VTI1A: variants seen among roughly 807,000 people sequenced by gnomAD.
VTI1A encodes the protein vesicle transport through interaction with t-SNAREs homolog 1A.
VTI1A carries 22 observed loss-of-function variants against 34.9 expected under a neutral mutation model. The observed-to-expected ratio is 0.63, with a 90% confidence interval of 0.45 to 0.90. The LOEUF (loss-of-function observed/expected upper bound fraction) is 0.90. VTI1A is among the 40% of genes least tolerant of loss of function. VTI1A has a pLI of 0.00. For missense variants in VTI1A, 268 were observed against 275.6 expected, an observed-to-expected ratio of 0.97 and a Z score of 0.20; for synonymous variants, 87 against 97.3, an observed-to-expected ratio of 0.89 and a Z score of 0.62.
chr10:112,734,884 G>T (rs910852187), intron 7 of VTI1A, among the ~76,000 whole-genome samples: 1 of 151,662 alleles, frequency 6.6e-6, no homozygotes, highest in African/African-American at 2.4e-5. Context: ...CGCCCATCTC[G>T]GCCTCCCAAA....
At chr10:112,465,832 A>G (rs1487198994) in intron 3 of VTI1A, among the ~76,000 whole-genome samples, 1 of 152,210 alleles carries the variant, frequency 6.6e-6, no homozygotes, top group Non-Finnish European at 1.5e-5. Context: ...TGAACCATAC[A>G]CTTAAAAATG....
the VTI1A span, among the ~76,000 whole-genome samples, chr10:112,830,046 A>C: frequency 2.5e-4 from 38 of 152,248 alleles, no homozygotes; most frequent in African/African-American, 8.2e-4. Flanking sequence ...CACTGGTAGA[A>C]TCCTAGTCCA....
chr10:112,490,028 T>G (rs1041151844), intron 3 of VTI1A, among the ~76,000 whole-genome samples: 4 of 152,204 alleles, frequency 2.6e-5, no homozygotes, highest in Non-Finnish European at 4.4e-5. Context: ...TCTTTTTAAC[T>G]CTCTATTAAA....
At chr10:112,683,107 A>G (rs1848277934) in intron 7 of VTI1A, among the ~76,000 whole-genome samples, 1 of 152,280 alleles carries the variant, frequency 6.6e-6, no homozygotes, top group Non-Finnish European at 1.5e-5. Flanking sequence ...GAAGCAAAGC[A>G]TGCTTGTAGT....
chr10:112,493,969 C>A (rs1253981313), intron 3 of VTI1A, among the ~76,000 whole-genome samples: 1 of 152,100 alleles, frequency 6.6e-6, no homozygotes, highest in Non-Finnish European at 1.5e-5. Context: ...ATGCTAGTCT[C>A]ATAGAACAAG....
intron 3 of VTI1A, among the ~76,000 whole-genome samples, chr10:112,466,872 T>C (rs1414846554): frequency 6.6e-6 from 1 of 152,196 alleles, no homozygotes; most frequent in Non-Finnish European, 1.5e-5. Flanking sequence ...GTGTGGTTCC[T>C]TTTGAGGCCT....
chr10:112,544,758 T>C (rs1203348432), intron 5 of VTI1A, among the ~76,000 whole-genome samples: 1 of 152,122 alleles, frequency 6.6e-6, no homozygotes. Context: ...CAGATGATTC[T>C]GAGAAGAGGG....
intron 7 of VTI1A, among the ~76,000 whole-genome samples, chr10:112,758,422 A>G (rs1294977539): frequency 6.6e-6 from 1 of 152,202 alleles, no homozygotes; most frequent in African/African-American, 2.4e-5. Context: ...CCTGGGGTAC[A>G]GGTTAAAAAG....
At chr10:112,568,035 C>G (rs948362323) in intron 5 of VTI1A, among the ~76,000 whole-genome samples, 13 of 152,154 alleles carry the variant, frequency 8.5e-5, no homozygotes, top group Non-Finnish European at 1.8e-4. Flanking sequence ...TAAAACAAGA[C>G]TATGTAATGT....
chr10:112,811,901 C>T (rs923489658), intron 7 of VTI1A, among the ~76,000 whole-genome samples: 9 of 152,158 alleles, frequency 5.9e-5, no homozygotes, highest in African/African-American at 2.2e-4. Flanking sequence ...AGCTCGTTTC[C>T]AGGCTGGGAG....
rs191006964 is a variant in VTI1A at position 112,686,835 on chromosome 10, C to A, written c.560+17837C>A. Among the ~76,000 whole-genome samples, 154 of 152,246 alleles carry A rather than the reference C, an allele frequency of 1.0e-3. 1 individual carries two copies. Among genetic ancestry groups the A allele is most frequent in the African/African-American group, 3.6e-3 (148 of 41,538 alleles). On this transcript the variant is annotated intron_variant, in intron 7 of 7. Transcript: ENST00000393077. ...ACATCACTGGTTTCGTGGTGTTTTTCTAAGGCTTCTGAAAGGTACTACAAA... is the reference window on the plus strand; with the variant it reads ...ACATCACTGGTTTCGTGGTGTTTTTATAAGGCTTCTGAAAGGTACTACAAA...
At chr10:112,663,090 T>C (rs549613447) in intron 5 of VTI1A, among the ~76,000 whole-genome samples, 2 of 152,386 alleles carry the variant, frequency 1.3e-5, no homozygotes, top group Non-Finnish European at 2.9e-5. Flanking sequence ...TTCTCTTTAC[T>C]GACGAGCTCC....
chr10:112,819,897 G>A (rs1003874748), downstream of VTI1A, among the ~76,000 whole-genome samples: 7 of 152,184 alleles, frequency 4.6e-5, no homozygotes, highest in Non-Finnish European at 1.0e-4. Flanking sequence ...TCAATATCAG[G>A]GAATGGGAAG....
At chr10:112,484,776 AC>A (rs1361892979) in intron 3 of VTI1A, among the ~76,000 whole-genome samples, 3 of 151,758 alleles carry the variant, frequency 2.0e-5, no homozygotes, top group Non-Finnish European at 4.4e-5. Context: ...TTTAAAGCAA[AC>A]TTTTTAGGAG....
At chr10:112,832,327 C>T in the VTI1A span, 2 of 152,020 alleles carry the variant, frequency 1.3e-5, no homozygotes, top group African/African-American at 4.8e-5. Context: ...AAGTCTCATT[C>T]TGCCCAGGCC....
chr10:112,477,196 A>C (rs561944515), intron 3 of VTI1A, among the ~76,000 whole-genome samples: 8 of 152,312 alleles, frequency 5.3e-5, no homozygotes, highest in African/African-American at 1.7e-4. Context: ...TAGTTCCCAA[A>C]ACTGGATGAA....
At chr10:112,756,051 A>G (rs1004795645) in intron 7 of VTI1A, among the ~76,000 whole-genome samples, 2 of 152,158 alleles carry the variant, frequency 1.3e-5, no homozygotes, top group Non-Finnish European at 2.9e-5. Flanking sequence ...AGAAAGGAAA[A>G]AAACAGCGAG....
At chr10:112,501,089 C>T (rs1456760480) in intron 3 of VTI1A, among the ~76,000 whole-genome samples, 1 of 152,164 alleles carries the variant, frequency 6.6e-6, no homozygotes, top group Non-Finnish European at 1.5e-5. Context: ...TTCCTGGTAT[C>T]ATCGAGGAGC....
At position 112,817,045 on chromosome 10, in the gene VTI1A, A is replaced by G. The variant is rs755687367; in HGVS notation, c.*1662A>G. The G allele has an allele frequency of 8.6e-6, 2 of 232,410 alleles. No individual in the cohort carries two copies. Among genetic ancestry groups the G allele is most frequent in the Non-Finnish European group, 1.7e-5 (2 of 117,574 alleles). The allele number at this position is 232,410 out of a possible 1,614,324, so 14.4% of individuals were successfully genotyped here. ...AGGAAGCTATGCTAATTTTCCTGTCAGCTTAAGGGATCCGTCTCAGCAAGA... is the reference window on the plus strand; with the variant it reads ...AGGAAGCTATGCTAATTTTCCTGTCGGCTTAAGGGATCCGTCTCAGCAAGA... On this transcript the variant is annotated 3_prime_UTR_variant, in exon 8 of 8. Coordinates refer to ENST00000393077, the MANE Select transcript of VTI1A (RefSeq NM_145206.4).
Sources: allele counts gnomAD v4.1 joint callset (sites outside exome capture counted in the v4.1 genomes callset), GRCh38; gene constraint gnomAD v4.1.1; transcripts MANE v1.5; gene names NCBI Gene and HGNC (gene_info 2026-07-23, HGNC 2026-07-21).